VPS13A: variants seen among roughly 807,000 people sequenced by gnomAD.
VPS13A encodes the protein vacuolar protein sorting 13 homolog A.
Under a neutral mutation model 390.9 loss-of-function variants are expected in VPS13A, and 264 were observed. The observed-to-expected ratio is 0.68, with a 90% confidence interval of 0.61 to 0.75. The LOEUF is 0.75. VPS13A is among the 30% of genes least tolerant of loss of function. VPS13A has a pLI of 0.00. For synonymous variants in VPS13A, 1,231 were observed against 1,227.1 expected, an observed-to-expected ratio of 1.00 and a Z score of -0.07; for missense variants, 3,409 against 3,733.9, an observed-to-expected ratio of 0.91 and a Z score of 2.27.
At chr9:77,278,054 TTTA>T (rs1826790606) in intron 26 of VPS13A, among the ~76,000 whole-genome samples, 1 of 152,046 alleles carries the variant, frequency 6.6e-6, no homozygotes. Flanking sequence ...CTAAGTTTTT[TTTA>T]TTATTATTAG....
intron 23 of VPS13A, among the ~76,000 whole-genome samples, chr9:77,263,806 A>G (rs925645059): frequency 3.3e-5 from 5 of 152,110 alleles, no homozygotes; most frequent in African/African-American, 1.2e-4. Context: ...TGTTTTAGTC[A>G]TTTAGTCTTT....
intron 23 of VPS13A, among the ~76,000 whole-genome samples, chr9:77,261,769 G>A (rs1825777163): frequency 1.3e-5 from 2 of 151,922 alleles, no homozygotes; most frequent in African/African-American, 2.4e-5. Context: ...ATTTTTAGCC[G>A]AGATGGAGTT....
chr9:77,377,470 C>T (rs796254663), intron 67 of VPS13A, among the ~76,000 whole-genome samples: 25 of 152,142 alleles, frequency 1.6e-4, no homozygotes, highest in African/African-American at 3.9e-4. Context: ...CCACCCGCCT[C>T]GGCCTCCCAA....
chr9:77,230,212 G>A (rs913919092), intron 17 of VPS13A, among the ~76,000 whole-genome samples: 1 of 151,774 alleles, frequency 6.6e-6, no homozygotes, highest in Non-Finnish European at 1.5e-5. Context: ...TTCTCTCACT[G>A]TGTTTTCTTT....
In VPS13A at chr9:77,283,493, C is replaced by A. The variant is rs774565417; in HGVS notation, c.3235+22C>A. On this transcript the variant is annotated intron_variant, in intron 30 of 71. Transcript: ENST00000360280. ...GAAGGTAATAAAATTTCACAAAAAG[C>A]AAATTAAAAGACATTAAATGAAAGA... is the stretch of plus-strand genomic sequence containing the variant. The A allele has an allele frequency of 2.5e-6, 4 of 1,604,274 alleles. No homozygotes were observed. The Admixed American group carries it at 6.7e-5, about 27-fold the overall frequency.
At chr9:77,394,623 A>T (rs1247735914) in intron 68 of VPS13A, among the ~76,000 whole-genome samples, 2 of 152,224 alleles carry the variant, frequency 1.3e-5, no homozygotes, top group Non-Finnish European at 2.9e-5. Context: ...CCAGGCATTT[A>T]CTTCTCTCTA....
At chr9:77,323,980 T>A (rs991599850) in intron 45 of VPS13A, among the ~76,000 whole-genome samples, 1 of 152,134 alleles carries the variant, frequency 6.6e-6, no homozygotes, top group Non-Finnish European at 1.5e-5. Context: ...TTTGCTTTTT[T>A]TTTCACCATA....
At chr9:77,193,892 T>C (rs1824834033) in intron 1 of VPS13A, among the ~76,000 whole-genome samples, 1 of 152,196 alleles carries the variant, frequency 6.6e-6, no homozygotes, top group Non-Finnish European at 1.5e-5. Context: ...CTTGATGATT[T>C]CTGGGTACCA....
chr9:77,369,936 T>G (rs1489490485), intron 63 of VPS13A, among the ~76,000 whole-genome samples: 1 of 152,230 alleles, frequency 6.6e-6, no homozygotes. Context: ...AAATTTTTAT[T>G]AAAGACTTAT....
At chr9:77,281,786 A>T in intron 27 of VPS13A, 81 bp from the exon 28 acceptor site, 1 of 820,180 alleles carries the variant, frequency 1.2e-6, no homozygotes, top group East Asian at 2.6e-5. Context: ...AAATTATATA[A>T]ATGTGTATTA....
chr9:77,319,784 G>A (rs1214087184), intron 42 of VPS13A, 111 bp downstream of exon 42: 2 of 586,016 alleles, frequency 3.4e-6, no homozygotes, highest in Non-Finnish European at 5.8e-6. Context: ...AAGGAACAGA[G>A]ATTTCCCGTA....
rs1016019777 is a variant in VPS13A at position 77,366,754 on chromosome 9, G to C, written c.8353G>C (p.Gly2785Arg). 1 of 1,612,482 alleles carries C rather than the reference G, an allele frequency of 6.2e-7. No homozygotes were observed. Among genetic ancestry groups the C allele is most frequent in the East Asian group, 2.2e-5 (1 of 44,756 alleles). The change falls in exon 61 of 72, where the codon GGC becomes CGC. Residue 2785 changes from glycine to arginine, a missense_variant. Gly to Arg is a moderately radical substitution (Grantham distance 125, BLOSUM62 -2). This residue lies in a region of VPS13A where 123 missense variants were observed against 118.7 expected (regional missense o/e 1.04). Coordinates refer to ENST00000360280, the MANE Select transcript of VPS13A (RefSeq NM_033305.3). ...KLHLSVSLSSGREEAKDSKQN... is the reference protein window; with the variant it reads ...KLHLSVSLSSRREEAKDSKQN... ...ACATTTAAGTGTTTCACTGAGTTCC[G>C]GCAGAGAAGAAGCTAAAGATTCAAA... is the stretch of plus-strand genomic sequence containing the variant.
chr9:77,356,917 G>C, intron 55 of VPS13A, 50 bp downstream of exon 55: 1 of 1,600,906 alleles, frequency 6.2e-7, no homozygotes, highest in Non-Finnish European at 8.5e-7. Context: ...GCCTGTCGTA[G>C]TTTGGTGAAT....
rs375044646 is a variant in VPS13A, at chr9:77,247,068, C to CTA, written c.1901-187_1901-186dup. ...AGAATCACTCCAATTTTGTACTCAGCTATATTTAAATAGGAGTACATGCAT... is the reference window on the plus strand; with the variant it reads ...AGAATCACTCCAATTTTGTACTCAGCTATATATTTAAATAGGAGTACATGCAT... On this transcript the variant is annotated intron_variant, in intron 19 of 71. Coordinates refer to ENST00000360280, the MANE Select transcript of VPS13A (RefSeq NM_033305.3). Among the ~76,000 whole-genome samples, 873 of 152,000 alleles carry CTA rather than the reference C, an allele frequency of 5.7e-3. 11 individuals are homozygous for CTA. The highest frequency in any genetic ancestry group is 0.02 in the African/African-American group (842 of 41,464).
chr9:77,185,149 T>G (rs914801366), intron 1 of VPS13A, among the ~76,000 whole-genome samples: 1 of 148,070 alleles, frequency 6.8e-6, no homozygotes. Flanking sequence ...CATTATCTCT[T>G]TTTTTTTTTT....
In VPS13A at chr9:77,177,767, CT is replaced by C; in HGVS notation, c.65del (p.Leu22TrpfsTer27). On this transcript the variant is annotated frameshift_variant, in exon 1 of 72. Transcript: ENST00000360280. LOFTEE classifies it high-confidence loss of function. ...NRFLGDYVVD[L>X]DTSQLSLGIW... Reference sequence around the variant, plus strand: ...GGTTCTTGGGGGACTATGTGGTGGACTTGGACACGTCCCAGCTCTCTCTGGG... The same window carrying C: ...GGTTCTTGGGGGACTATGTGGTGGACTGGACACGTCCCAGCTCTCTCTGGG... 1 of 1,613,674 alleles carries C rather than the reference CT, an allele frequency of 6.2e-7. No individual in the cohort carries two copies. The highest frequency in any genetic ancestry group is 8.5e-7 in the Non-Finnish European group (1 of 1,179,698).
Position 77,314,565 on chromosome 9 carries a change from C to T in VPS13A, c.4313C>T (p.Thr1438Ile). Residue 1438 changes from threonine to isoleucine, a missense_variant, in exon 37 of 72, where the codon ACT becomes ATT. Around this residue, in one of 5 missense-constraint regions of VPS13A, gnomAD observed 2,717 missense variants for 2,917.4 expected, o/e 0.93. Transcript: ENST00000360280. Reference sequence around the variant, plus strand: ...TTTAAATTGGAGAATATTATAAGTACTTTAAAAATGTATACAGATGGCTCA... The same window carrying T: ...TTTAAATTGGAGAATATTATAAGTATTTTAAAAATGTATACAGATGGCTCA... ...AEFKLENIISTLKMYTDGSTF... is the reference protein window; with the variant it reads ...AEFKLENIISILKMYTDGSTF... 1.2e-6 allele frequency: 2 copies of T among 1,610,824 alleles called. No homozygotes were observed. The highest frequency in any genetic ancestry group is 1.7e-4 in the Middle Eastern group (1 of 6,044).
intron 1 of VPS13A, among the ~76,000 whole-genome samples, chr9:77,180,610 T>C (rs974073870): frequency 2.0e-5 from 3 of 152,224 alleles, no homozygotes; most frequent in Middle Eastern, 3.2e-3. Flanking sequence ...GTGTGTGATA[T>C]GTGTTGAAGG....
chr9:77,207,252 T>TATATATA, intron 5 of VPS13A, among the ~76,000 whole-genome samples: 2 of 87,270 alleles, frequency 2.3e-5, no homozygotes, highest in Non-Finnish European at 4.6e-5. Context: ...TATATATATA[T>TATATATA]AAAACGTGTT....
Sources: gnomAD v4.1 joint callset for allele counts (sites outside exome capture counted in the v4.1 genomes callset) on GRCh38, gnomAD v4.1.1 for gene constraint, gnomAD v4.1.1 regional missense constraint, MANE v1.5 for transcripts, NCBI Gene and HGNC (gene_info 2026-07-23, HGNC 2026-07-21) for gene names.